ZFYVE28: variants seen among roughly 807,000 people sequenced by gnomAD.
ZFYVE28 encodes the protein zinc finger FYVE-type containing 28.
A neutral mutation model predicts 82.1 loss-of-function variants in ZFYVE28; 40 were observed. The ratio of observed to expected loss-of-function variants is 0.49; its 90% CI spans 0.38 to 0.63. The LOEUF is 0.63. ZFYVE28 is among the 30% of genes least tolerant of loss of function. The probability of loss-of-function intolerance (pLI) is 0.00; values close to 1 mark genes in which losing one functional copy is unlikely to be tolerated. For synonymous variants in ZFYVE28, 612 were observed against 546.1 expected (o/e 1.12, Z -1.68); for missense variants, 1,321 against 1,242.1 (o/e 1.06, Z -0.96).
chr4:2,374,538 A>C (rs1450550214), intron 1 of ZFYVE28, among the ~76,000 whole-genome samples: 1 of 152,150 alleles, frequency 6.6e-6, no homozygotes, highest in Non-Finnish European at 1.5e-5. Flanking sequence ...ACTTGAGCCC[A>C]GGCAGGTTGA....
intron 1 of ZFYVE28, among the ~76,000 whole-genome samples, chr4:2,357,415 G>A (rs1033497450): frequency 3.3e-5 from 5 of 152,224 alleles, no homozygotes; most frequent in Non-Finnish European, 5.9e-5. Context: ...CCAGGAGGGA[G>A]CATGGCCCCT....
rs536140870 is a variant in ZFYVE28, at chr4:2,297,080, G to C, written c.2051+7209C>G. On this transcript the variant is annotated intron_variant, in intron 8 of 12. Coordinates refer to ENST00000290974, the MANE Select transcript of ZFYVE28 (RefSeq NM_020972.3). ...ACACCTGTCTGCTGGTGGGAAAGCC[G>C]AATGGTGGATGTGGGAACGAAGCAC... is the stretch of plus-strand genomic sequence containing the variant. Among the ~76,000 whole-genome samples the C allele has an allele frequency of 2.0e-5, 3 of 152,358 alleles. 1 individual carries two copies. The South Asian group carries it at 6.2e-4, about 32-fold the overall frequency.
At chr4:2,295,125 A>T (rs1227049585) in intron 8 of ZFYVE28, among the ~76,000 whole-genome samples, 1 of 152,048 alleles carries the variant, frequency 6.6e-6, no homozygotes, top group African/African-American at 2.4e-5. Context: ...TGTTTATCAT[A>T]TGCCAATCAT....
chr4:2,329,529 C>T (rs1447263293), intron 6 of ZFYVE28, among the ~76,000 whole-genome samples: 1 of 152,048 alleles, frequency 6.6e-6, no homozygotes, highest in Non-Finnish European at 1.5e-5. Flanking sequence ...AAGGGTAAAT[C>T]CTATATATTA....
At chr4:2,373,099 G>A (rs1727747681) in intron 1 of ZFYVE28, among the ~76,000 whole-genome samples, 3 of 152,220 alleles carry the variant, frequency 2.0e-5, no homozygotes. Context: ...GTCACCCAAA[G>A]TTGAATGAGA....
intron 1 of ZFYVE28, among the ~76,000 whole-genome samples, chr4:2,402,940 C>T (rs1033263749): frequency 5.3e-5 from 8 of 152,328 alleles, no homozygotes; most frequent in Non-Finnish European, 1.2e-4. Context: ...CTTCACAGGA[C>T]GTGCCTACCA....
chr4:2,373,825 A>C (rs975926463), intron 1 of ZFYVE28, among the ~76,000 whole-genome samples: 1 of 152,216 alleles, frequency 6.6e-6, no homozygotes, highest in African/African-American at 2.4e-5. Flanking sequence ...AGCAGCACAG[A>C]GCACATGCCA....
At position 2,395,459 on chromosome 4, in the gene ZFYVE28, A is replaced by C. The variant is rs3135082; in HGVS notation, c.39+22826T>G. On this transcript the variant is annotated intron_variant, in intron 1 of 12. Transcript: ENST00000290974. The stretch of plus-strand genomic sequence containing the variant: ...CCAGGGGGATCCCAACGCTCTCCCC[A>C]CACACAGGCACCAGGTCCAGGTCGT... Among the ~76,000 whole-genome samples, 4 of 152,032 alleles carry C rather than the reference A, an allele frequency of 2.6e-5. No individual in the cohort carries two copies. The South Asian group carries it at 6.2e-4, about 24-fold the overall frequency.
Position 2,270,326 on chromosome 4 carries a change from C to T in ZFYVE28, c.*399G>A, listed in dbSNP as rs775035866. The T allele has an allele frequency of 6.1e-5, 14 of 228,698 alleles. No homozygotes were observed. Among genetic ancestry groups the T allele is most frequent in the African/African-American group, 1.5e-4 (6 of 40,682 alleles). 14.2% of individuals were successfully genotyped at this position (228,698 alleles called of 1,614,324 possible). Reference sequence around the variant, plus strand: ...AGAGCCTGTGGAGTGGCCCTTGCTCCGGCTTCCAGATTCACCGCAACAGCA... The same window carrying T: ...AGAGCCTGTGGAGTGGCCCTTGCTCTGGCTTCCAGATTCACCGCAACAGCA... On this transcript the variant is annotated 3_prime_UTR_variant, in exon 13 of 13. Coordinates refer to ENST00000290974, the MANE Select transcript of ZFYVE28 (RefSeq NM_020972.3).
chr4:2,288,037 G>A (rs749299290), intron 8 of ZFYVE28, among the ~76,000 whole-genome samples: 43 of 152,100 alleles, frequency 2.8e-4, no homozygotes, highest in Non-Finnish European at 4.7e-4. Flanking sequence ...CTGTCTGGCC[G>A]GGCCCTATCG....
chr4:2,361,436 A>C (rs546792706), intron 1 of ZFYVE28, among the ~76,000 whole-genome samples: 1 of 152,208 alleles, frequency 6.6e-6, no homozygotes, highest in South Asian at 2.1e-4. Context: ...CGCACGTGTG[A>C]GCTCAGCCCG....
intron 6 of ZFYVE28, chr4:2,329,105 T>C: frequency 1.4e-6 from 1 of 700,538 alleles, no homozygotes. Flanking sequence ...TAGGGCCCAT[T>C]GCAGTTCCAC....
At chr4:2,368,228 A>AAAAAAAAC (rs1560294677) in intron 1 of ZFYVE28, among the ~76,000 whole-genome samples, 1 of 151,160 alleles carries the variant, frequency 6.6e-6, no homozygotes, top group Non-Finnish European at 1.5e-5. Flanking sequence ...AAAAAAAAAA[A>AAAAAAAAC]AACACTGTAT....
At chr4:2,397,797 A>G (rs1295713345) in intron 1 of ZFYVE28, among the ~76,000 whole-genome samples, 1 of 152,090 alleles carries the variant, frequency 6.6e-6, no homozygotes, top group African/African-American at 2.4e-5. Flanking sequence ...TGAACACACC[A>G]CATCTTGTTT....
chr4:2,317,679 C>A (rs1167588225), intron 7 of ZFYVE28, among the ~76,000 whole-genome samples: 1 of 152,120 alleles, frequency 6.6e-6, no homozygotes, highest in Admixed American at 6.5e-5. Flanking sequence ...GTCGCCCAGG[C>A]TGGAATTTAG....
At chr4:2,402,818 C>T (rs1262646627) in intron 1 of ZFYVE28, among the ~76,000 whole-genome samples, 1 of 152,218 alleles carries the variant, frequency 6.6e-6, no homozygotes, top group African/African-American at 2.4e-5. Context: ...GTCAGCCTCT[C>T]ACTGCATGAA....
At chr4:2,280,367 G>C (rs987647862) in intron 8 of ZFYVE28, among the ~76,000 whole-genome samples, 1 of 152,030 alleles carries the variant, frequency 6.6e-6, no homozygotes, top group Middle Eastern at 3.2e-3. Flanking sequence ...AATTAGCCAG[G>C]CATGATGGTG....
At chr4:2,375,233 T>A (rs1253779920) in intron 1 of ZFYVE28, among the ~76,000 whole-genome samples, 1 of 152,234 alleles carries the variant, frequency 6.6e-6, no homozygotes, top group Non-Finnish European at 1.5e-5. Flanking sequence ...CTTTCTCTTC[T>A]TATCCTCAAG....
At chr4:2,404,319 A>AACC (rs1553866933) in intron 1 of ZFYVE28, among the ~76,000 whole-genome samples, 18 of 86,066 alleles carry the variant, frequency 2.1e-4, no homozygotes, top group African/African-American at 6.7e-4. Context: ...CAAAAAAAAA[A>AACC]AAAAAAAAAC....
Sources: gnomAD v4.1 joint callset for allele counts (sites outside exome capture counted in the v4.1 genomes callset) on GRCh38, gnomAD v4.1.1 for gene constraint, MANE v1.5 for transcripts, NCBI Gene and HGNC (gene_info 2026-07-23, HGNC 2026-07-21) for gene names.